PSTPIP2: variants seen among roughly 807,000 people sequenced by gnomAD.
PSTPIP2 encodes proline-serine-threonine phosphatase-interacting protein 2.
Under a neutral mutation model 63.3 loss-of-function variants are expected in PSTPIP2, and 33 were observed. That is an observed-to-expected ratio of 0.52 (90% CI 0.40 to 0.70). The LOEUF is 0.70. Among genes scored for constraint, PSTPIP2 ranks in the 30% least tolerant of loss-of-function variants. The pLI is 0.00. For synonymous variants in PSTPIP2, 125 were observed against 132.7 expected, an observed-to-expected ratio of 0.94 and a Z score of 0.40; for missense variants, 312 against 400.7, an observed-to-expected ratio of 0.78 and a Z score of 1.89.
At chr18:45,998,970 T>A in intron 7 of PSTPIP2, 131 bp from the exon 8 acceptor site, 1 of 886,332 alleles carries the variant, frequency 1.1e-6, no homozygotes, top group Non-Finnish European at 1.8e-6. Context: ...TGTGTACATT[T>A]CCCTCATGAG....
intron 2 of PSTPIP2, among the ~76,000 whole-genome samples, chr18:46,038,652 C>T (rs1183196364): frequency 6.6e-6 from 1 of 152,180 alleles, no homozygotes; most frequent in Admixed American, 6.5e-5. Context: ...TGTCAACCAT[C>T]TTGGGTAGAA....
Position 46,015,884 on chromosome 18 carries a change from T to A in PSTPIP2, c.247+19A>T, listed in dbSNP as rs186906654. The A allele has an allele frequency of 0.011, 17,244 of 1,550,976 alleles. 84 individuals are homozygous for A. Among genetic ancestry groups the A allele is most frequent in the Non-Finnish European group, 0.013 (14,761 of 1,133,912 alleles). On this transcript the variant is annotated intron_variant, in intron 4 of 14. Coordinates refer to ENST00000409746, the MANE Select transcript of PSTPIP2 (RefSeq NM_024430.4). ...TGTCAAGGGCAGTGAATACATTTTT[T>A]AAAAAAAAAATCACTTACGCTGCTT... is the stretch of plus-strand genomic sequence containing the variant.
intron 2 of PSTPIP2, among the ~76,000 whole-genome samples, chr18:46,031,419 C>T (rs1907783189): frequency 6.6e-6 from 1 of 152,106 alleles, no homozygotes; most frequent in Non-Finnish European, 1.5e-5. Flanking sequence ...GAGCAAGAAA[C>T]CTGTTTCTTC....
intron 1 of PSTPIP2, among the ~76,000 whole-genome samples, chr18:46,047,604 C>A (rs982199015): frequency 6.6e-6 from 1 of 152,054 alleles, no homozygotes; most frequent in Non-Finnish European, 1.5e-5. Context: ...GCAGGAGAAT[C>A]GCTTGAACGT....
intron 2 of PSTPIP2, among the ~76,000 whole-genome samples, chr18:46,033,683 G>T (rs1907863127): frequency 6.9e-6 from 1 of 144,082 alleles, no homozygotes; most frequent in Admixed American, 7.0e-5. Context: ...GGGGGACAGA[G>T]TGAGACTCCA....
chr18:46,023,559 C>CA (rs113666843), intron 3 of PSTPIP2, among the ~76,000 whole-genome samples: 39,609 of 151,336 alleles, frequency 0.26, 6,341 homozygotes, highest in African/African-American at 0.43. Flanking sequence ...AACTCCTTCT[C>CA]AAAAAGAAAA....
intron 1 of PSTPIP2, among the ~76,000 whole-genome samples, chr18:46,064,223 C>A (rs982317851): frequency 4.0e-5 from 6 of 150,770 alleles, no homozygotes; most frequent in Non-Finnish European, 5.9e-5. Context: ...GGTAAGTGAG[C>A]TTTCACCAGC....
chr18:46,064,488 C>T (rs1909111350), intron 1 of PSTPIP2, among the ~76,000 whole-genome samples: 1 of 111,006 alleles, frequency 9.0e-6, no homozygotes, highest in South Asian at 2.7e-4. Context: ...TAAGTAAAGA[C>T]GGGGTTTCAC....
chr18:46,050,304 T>C (rs79089094), intron 1 of PSTPIP2, among the ~76,000 whole-genome samples: 1,884 of 152,276 alleles, frequency 0.012, 40 homozygotes, highest in African/African-American at 0.043. Flanking sequence ...GTGCAGTGGT[T>C]CACAATCATA....
intron 2 of PSTPIP2, chr18:46,029,823 G>T: frequency 2.2e-6 from 1 of 450,366 alleles, no homozygotes; most frequent in South Asian, 2.1e-5. Context: ...GGAATGAAAA[G>T]GGCAAGGCCG....
intron 6 of PSTPIP2, among the ~76,000 whole-genome samples, chr18:46,001,286 C>A (rs2051663547): frequency 1.3e-5 from 2 of 152,120 alleles, no homozygotes; most frequent in African/African-American, 2.4e-5. Context: ...TAACAGCCAT[C>A]CTAACTGGGG....
chr18:46,052,606 G>A (rs143664669), intron 1 of PSTPIP2, among the ~76,000 whole-genome samples: 21 of 152,138 alleles, frequency 1.4e-4, no homozygotes, highest in African/African-American at 4.6e-4. Flanking sequence ...CCTGACCTCA[G>A]TGCATTCATT....
intron 5 of PSTPIP2, among the ~76,000 whole-genome samples, chr18:46,009,379 AAAAAAAAAAAAAC>A (rs372926926): frequency 0.017 from 2,387 of 138,772 alleles, 131 homozygotes; most frequent in African/African-American, 0.061. Context: ...AAAAAAAAAA[AAAAAAAAAAAAAC>A]CTAGCTAAAT....
At chr18:46,069,827 T>C (rs530931548) in intron 1 of PSTPIP2, among the ~76,000 whole-genome samples, 2 of 152,138 alleles carry the variant, frequency 1.3e-5, no homozygotes, top group Admixed American at 6.5e-5. Context: ...TCTGTCCCCT[T>C]TCTCCTCCTC....
rs1698827310 is a variant in PSTPIP2, at chr18:46,058,098, A to T, written c.33+14058T>A. Among the ~76,000 whole-genome samples the T allele has an allele frequency of 2.0e-5, 3 of 152,220 alleles. No homozygotes were observed. The South Asian group carries it at 6.2e-4, about 32-fold the overall frequency. On this transcript the variant is annotated intron_variant, in intron 1 of 14. Transcript: ENST00000409746. ...ATACAAAACTCTGGGTCAGAGGAAG[A>T]GATGGCTTGCTAACCTGCCATTCCT...
intron 1 of PSTPIP2, among the ~76,000 whole-genome samples, chr18:46,049,822 G>T (rs1908526336): frequency 6.6e-6 from 1 of 152,212 alleles, no homozygotes; most frequent in African/African-American, 2.4e-5. Flanking sequence ...GGAGGTTGCA[G>T]TGAGCTGAGA....
intron 3 of PSTPIP2, among the ~76,000 whole-genome samples, chr18:46,018,661 C>A (rs2051879041): frequency 6.7e-6 from 1 of 149,512 alleles, no homozygotes; most frequent in South Asian, 2.1e-4. Context: ...GACTTGATAT[C>A]TTTTACTGAG....
At chr18:46,003,554 G>T (rs1429700025) in intron 6 of PSTPIP2, among the ~76,000 whole-genome samples, 1 of 151,892 alleles carries the variant, frequency 6.6e-6, no homozygotes, top group Non-Finnish European at 1.5e-5. Flanking sequence ...GAGAGAACAG[G>T]TTTTTCTTGG....
At chr18:45,997,701 A>ACGGGGGGGGGGGCCCCCC in intron 9 of PSTPIP2, 48 bp downstream of exon 9, 1 of 332,626 alleles carries the variant, frequency 3.0e-6, no homozygotes, top group Non-Finnish European at 5.7e-6. Context: ...TGTTACACAC[A>ACGGGGGGGGGGGCCCCCC]CCCCCACCCA....
Sources: allele counts gnomAD v4.1 joint callset (sites outside exome capture counted in the v4.1 genomes callset), GRCh38; gene constraint gnomAD v4.1.1; transcripts MANE v1.5; gene names NCBI Gene and HGNC (gene_info 2026-07-23, HGNC 2026-07-21).